Variants in ARL6 observed in about 807,000 individuals in gnomAD.
The protein encoded by ARL6 is ARF like GTPase 6.
In ARL6, 18 loss-of-function variants were observed where a neutral mutation model predicts 27.1. The observed-to-expected ratio is 0.66, with a 90% confidence interval of 0.46 to 0.98. The LOEUF (loss-of-function observed/expected upper bound fraction) is 0.98. ARL6 is among the 50% of genes least tolerant of loss of function. The pLI, the probability that ARL6 is intolerant of heterozygous loss-of-function variation, is 0.00. For missense variants in ARL6, 187 were observed against 214.9 expected, an observed-to-expected ratio of 0.87 and a Z score of 0.81; for synonymous variants, 65 against 72.3, an observed-to-expected ratio of 0.90 and a Z score of 0.51.
At chr3:97,776,061 G>A (rs535201085) in intron 2 of ARL6, among the ~76,000 whole-genome samples, 1 of 152,262 alleles carries the variant, frequency 6.6e-6, no homozygotes, top group South Asian at 2.1e-4. Flanking sequence ...TTATTGTATT[G>A]CAGTCTTTCT....
intron 6 of ARL6, among the ~76,000 whole-genome samples, chr3:97,789,579 G>A (rs1404758199): frequency 1.3e-5 from 2 of 152,122 alleles, no homozygotes; most frequent in African/African-American, 2.4e-5. Context: ...TTATAAGGAT[G>A]TAGGATGTTA....
chr3:97,781,886 A>T (rs1367132768), intron 4 of ARL6, among the ~76,000 whole-genome samples: 3 of 152,100 alleles, frequency 2.0e-5, no homozygotes, highest in African/African-American at 7.2e-5. Flanking sequence ...TTACCAGATA[A>T]GATTTAGATT....
intron 6 of ARL6, among the ~76,000 whole-genome samples, chr3:97,788,619 A>G (rs1405293424): frequency 6.6e-6 from 1 of 152,054 alleles, no homozygotes; most frequent in Non-Finnish European, 1.5e-5. Flanking sequence ...AATAATCCCT[A>G]CAATAGTCAT....
intron 2 of ARL6, among the ~76,000 whole-genome samples, chr3:97,774,340 C>T (rs547486192): frequency 7.3e-5 from 11 of 150,806 alleles, no homozygotes; most frequent in South Asian, 2.1e-4. Context: ...TTAGAATCCC[C>T]CCGGGATTCT....
rs1046026138 is a variant in ARL6 at position 97,789,699 on chromosome 3, A to G, written c.479+1580A>G. Among the ~76,000 whole-genome samples the G allele has an allele frequency of 1.6e-4, 24 of 152,254 alleles. No individual in the cohort carries two copies. The East Asian group carries it at 4.0e-3, about 26-fold the overall frequency. On this transcript the variant is annotated intron_variant, in intron 6 of 7. Coordinates refer to ENST00000463745, the MANE Select transcript of ARL6 (RefSeq NM_001278293.3). Reference sequence around the variant, plus strand: ...CTTAATTCAAATTGGACCTCTTCTCACTAGGTTCAAATTAGTATCTCATTT... The same window carrying G: ...CTTAATTCAAATTGGACCTCTTCTCGCTAGGTTCAAATTAGTATCTCATTT...
rs2037806524 is a variant in ARL6, at chr3:97,792,788, C to A, written c.535+962C>A. 1.3e-5 allele frequency among the ~76,000 whole-genome samples: 2 copies of A among 152,150 alleles called. 1 individual carries two copies. Among genetic ancestry groups the A allele is most frequent in the South Asian group, 4.1e-4 (2 of 4,830 alleles). ...AAACCAAGCTCATAGGTTCTTATTGCAGGATCCTAATGGCCAAGTCAGAAA... is the reference window on the plus strand; with the variant it reads ...AAACCAAGCTCATAGGTTCTTATTGAAGGATCCTAATGGCCAAGTCAGAAA... On this transcript the variant is annotated intron_variant, in intron 7 of 7. Transcript: ENST00000463745.
chr3:97,785,493 T>G (rs1335816790), intron 5 of ARL6, among the ~76,000 whole-genome samples: 1 of 151,208 alleles, frequency 6.6e-6, no homozygotes, highest in Non-Finnish European at 1.5e-5. Flanking sequence ...TATTCATATA[T>G]ATATATATAT....
Position 97,768,156 on chromosome 3 carries a change from G to A in ARL6, c.49G>A (p.Glu17Lys), listed in dbSNP as rs201736026. 52 of 1,613,012 alleles carry A rather than the reference G, an allele frequency of 3.2e-5. No homozygotes were observed. Among genetic ancestry groups the A allele is most frequent in the Non-Finnish European group, 4.0e-5 (47 of 1,179,132 alleles). Residue 17 changes from glutamate to lysine, a missense_variant, in exon 2 of 8, where the codon GAG (glutamate) becomes AAG (lysine). By Grantham distance (56) the Glu-to-Lys change is moderately conservative (BLOSUM62 1). Coordinates refer to ENST00000463745, the MANE Select transcript of ARL6 (RefSeq NM_001278293.3). ...AGTCTTGCTTGGCCTGAAGAAGAAG[G>A]AGGTTCATGTTTTGTGCCTTGGGCT... is the stretch of plus-strand genomic sequence containing the variant. ...LSVLLGLKKK[E>K]VHVLCLGLDN...
intron 4 of ARL6, among the ~76,000 whole-genome samples, chr3:97,784,639 G>T (rs995796384): frequency 1.3e-5 from 2 of 151,696 alleles, no homozygotes; most frequent in Admixed American, 1.3e-4. Flanking sequence ...GTGTAATAGG[G>T]TTATGGTATT....
chr3:97,793,875 T>G (rs1214147515), intron 7 of ARL6, among the ~76,000 whole-genome samples: 1 of 151,908 alleles, frequency 6.6e-6, no homozygotes, highest in Non-Finnish European at 1.5e-5. Flanking sequence ...AAAAAAAAAC[T>G]TAGGCTTCTG....
At chr3:97,793,557 G>A (rs1559693196) in intron 7 of ARL6, among the ~76,000 whole-genome samples, 1 of 151,980 alleles carries the variant, frequency 6.6e-6, no homozygotes, top group African/African-American at 2.4e-5. Context: ...GGATTTTAAA[G>A]TGTGGTTCTC....
At position 97,764,969 on chromosome 3, in the gene ARL6, AAAAACCAG is replaced by A. The variant is rs2036296018; in HGVS notation, c.-35_-28del. On this transcript the variant is annotated splice_region_variant and 5_prime_UTR_variant, in exon 1 of 8. Coordinates refer to ENST00000463745, the MANE Select transcript of ARL6 (RefSeq NM_001278293.3). ...CTCCTGCGCCCTCCGGACTAACCTC[AAAAACCAG>A]GTATCTCCTCAACGCCGGTTTTTAA... 6.6e-6 allele frequency: 1 copy of A among 152,064 alleles called. No individual in the cohort carries two copies. Among genetic ancestry groups the A allele is most frequent in the Admixed American group, 6.5e-5 (1 of 15,272 alleles). 9.4% of individuals were successfully genotyped at this position (152,064 alleles called of 1,614,324 possible). A position where few individuals can be genotyped will look rare whatever the true frequency, so the allele number is the denominator to read the frequency against.
intron 4 of ARL6, among the ~76,000 whole-genome samples, chr3:97,783,181 C>T (rs2037283347): frequency 6.6e-6 from 1 of 151,322 alleles, no homozygotes; most frequent in Non-Finnish European, 1.5e-5. Context: ...ACATGTTTCC[C>T]ATAAATCTCA....
chr3:97,765,214 GTGT>G (rs1559664661), intron 1 of ARL6, among the ~76,000 whole-genome samples: 163 of 24,030 alleles, frequency 6.8e-3, no homozygotes, highest in African/African-American at 0.033. Flanking sequence ...TATTGGGGGT[GTGT>G]GTGTGTGTGT....
At chr3:97,767,785 T>C (rs2036454531) in intron 1 of ARL6, among the ~76,000 whole-genome samples, 1 of 152,138 alleles carries the variant, frequency 6.6e-6, no homozygotes, top group Admixed American at 6.5e-5. Flanking sequence ...CTCCAAATGA[T>C]ACTGAGGCTG....
intron 2 of ARL6, among the ~76,000 whole-genome samples, chr3:97,772,563 G>A (rs2036687410): frequency 7.0e-6 from 1 of 143,350 alleles, no homozygotes; most frequent in Non-Finnish European, 1.5e-5. Flanking sequence ...GTTTAGATTT[G>A]TTCTTCCTTT....
intron 7 of ARL6, among the ~76,000 whole-genome samples, chr3:97,794,990 A>C (rs1323475761): frequency 2.6e-5 from 4 of 152,126 alleles, no homozygotes; most frequent in African/African-American, 7.2e-5. Context: ...AGGGAGGCTT[A>C]GACAGGAACT....
intron 1 of ARL6, chr3:97,766,672 C>T (rs1005852032): frequency 1.3e-5 from 2 of 152,206 alleles, no homozygotes; most frequent in African/African-American, 4.8e-5. Flanking sequence ...AAAGTTGCTG[C>T]AGCCTCACAT....
At chr3:97,767,347 A>G (rs951552903) in intron 1 of ARL6, among the ~76,000 whole-genome samples, 2 of 152,124 alleles carry the variant, frequency 1.3e-5, no homozygotes, top group African/African-American at 4.8e-5. Flanking sequence ...TAAAAAACAG[A>G]TATTTAGTAA....
Sources: gnomAD v4.1 joint callset for allele counts (sites outside exome capture counted in the v4.1 genomes callset) on GRCh38, gnomAD v4.1.1 for gene constraint, MANE v1.5 for transcripts, NCBI Gene and HGNC (gene_info 2026-07-23, HGNC 2026-07-21) for gene names.